The following NRXN3 variants were observed in gnomAD, a reference collection of about 807,000 sequenced individuals.
NRXN3 encodes neurexin 3, also known as neurexin III.
In NRXN3, 32 loss-of-function variants were observed where a neutral mutation model predicts 137.6. That is an observed-to-expected ratio of 0.23 (90% CI 0.18 to 0.31). NRXN3 has a LOEUF of 0.31. Among genes scored for constraint, NRXN3 ranks in the 10% least tolerant of loss-of-function variants. The pLI is 1.00. For synonymous variants in NRXN3, 798 were observed against 784.5 expected, an observed-to-expected ratio of 1.02 and a Z score of -0.29; for missense variants, 1,574 against 2,062.5, an observed-to-expected ratio of 0.76 and a Z score of 4.59.
chr14:79,734,298 G>T (rs988917776), intron 19 of NRXN3, among the ~76,000 whole-genome samples: 5 of 152,088 alleles, frequency 3.3e-5, no homozygotes, highest in Non-Finnish European at 5.9e-5. Context: ...TTAAATGTAG[G>T]GACCAAGACA....
rs539306697 is a variant in NRXN3, at chr14:79,490,684, T to C, written c.3444+23282T>C. Among the ~76,000 whole-genome samples the C allele has an allele frequency of 1.2e-4, 18 of 148,736 alleles. No individual in the cohort carries two copies. The South Asian group carries it at 2.2e-3, about 18-fold the overall frequency. ...CAGAGGCTGGGAAGGGAAGTGGGGG[T>C]TGGGGGAGGTGGGGGTGGTTAATGA... On this transcript the variant is annotated intron_variant, in intron 16 of 20. Transcript: ENST00000335750.
intron 6 of NRXN3, among the ~76,000 whole-genome samples, chr14:78,681,780 A>G (rs1005243892): frequency 1.3e-5 from 2 of 152,082 alleles, no homozygotes; most frequent in Non-Finnish European, 2.9e-5. Flanking sequence ...AGTGAAGGAG[A>G]TGAGAAGCCA....
In NRXN3 at chr14:79,207,495, G is replaced by A. The variant is rs757351235; in HGVS notation, c.3262+219354G>A. ...TGAGGATTTCATATTAACAACTGGT[G>A]CAAGGAAAGGGAATTTGCAGCAGAG... On this transcript the variant is annotated intron_variant, in intron 15 of 20. Coordinates refer to ENST00000335750, the MANE Select transcript of NRXN3 (RefSeq NM_001330195.2). Among the ~76,000 whole-genome samples the A allele has an allele frequency of 1.1e-3, 174 of 152,292 alleles. 2 individuals carry two copies. Among genetic ancestry groups the A allele is most frequent in the Non-Finnish European group, 1.6e-3 (112 of 68,020 alleles).
chr14:79,743,736 G>T (rs1277666139), intron 19 of NRXN3, among the ~76,000 whole-genome samples: 1 of 152,104 alleles, frequency 6.6e-6, no homozygotes, highest in Non-Finnish European at 1.5e-5. Context: ...AGCAACTGGA[G>T]ATTTAGTTAC....
intron 15 of NRXN3, among the ~76,000 whole-genome samples, chr14:79,424,747 G>T (rs1167997624): frequency 1.3e-5 from 2 of 152,026 alleles, no homozygotes; most frequent in Non-Finnish European, 2.9e-5. Flanking sequence ...TTTACAAAGG[G>T]GTATGTAAAA....
intron 15 of NRXN3, among the ~76,000 whole-genome samples, chr14:79,270,891 A>G (rs2079190560): frequency 6.6e-6 from 1 of 152,174 alleles, no homozygotes; most frequent in East Asian, 1.9e-4. Context: ...TAAATTCTCA[A>G]TACTACTGAG....
At position 79,424,265 on chromosome 14, in the gene NRXN3, T is replaced by C. The variant is rs146810836; in HGVS notation, c.3263-42956T>C. On this transcript the variant is annotated intron_variant, in intron 15 of 20. Transcript: ENST00000335750. ...AATATTCATTAAAACAAATATTAATTCCTCAAAGTTTAATTCTTAACAAAT... is the reference window on the plus strand; with the variant it reads ...AATATTCATTAAAACAAATATTAATCCCTCAAAGTTTAATTCTTAACAAAT... 7.6e-4 allele frequency among the ~76,000 whole-genome samples: 115 copies of C among 152,286 alleles called. 3 individuals are homozygous for C. In the East Asian group the frequency reaches 0.02, roughly 27 times the overall value.
chr14:78,418,200 T>C lies in NRXN3; in HGVS notation c.757+120340T>C, dbSNP rs547771542. 1.1e-4 allele frequency among the ~76,000 whole-genome samples: 17 copies of C among 152,278 alleles called. No individual in the cohort carries two copies. In the South Asian group the frequency reaches 2.7e-3, roughly 24 times the overall value. ...CTGGGGAATGTTTTACTAGTTAGCATTACGTGAGAAATTAAGCAAGTCTTA... is the reference window on the plus strand; with the variant it reads ...CTGGGGAATGTTTTACTAGTTAGCACTACGTGAGAAATTAAGCAAGTCTTA... On this transcript the variant is annotated intron_variant, in intron 4 of 20. Transcript: ENST00000335750.
At chr14:78,497,336 C>T (rs1007693016) in intron 4 of NRXN3, among the ~76,000 whole-genome samples, 1 of 152,106 alleles carries the variant, frequency 6.6e-6, no homozygotes, top group Non-Finnish European at 1.5e-5. Flanking sequence ...TCTGAGGCCT[C>T]ATTACCCTTT....
intron 11 of NRXN3, among the ~76,000 whole-genome samples, chr14:78,958,546 G>A (rs1351519787): frequency 6.6e-6 from 1 of 151,898 alleles, no homozygotes; most frequent in East Asian, 1.9e-4. Context: ...TAGTAGAGAT[G>A]GCGTTTCACC....
chr14:78,645,435 G>C lies in NRXN3; in HGVS notation c.1059+14G>C. 1.3e-6 allele frequency: 2 copies of C among 1,557,182 alleles called. No individual in the cohort carries two copies. Among genetic ancestry groups the C allele is most frequent in the Non-Finnish European group, 1.7e-6 (2 of 1,156,516 alleles). On this transcript the variant is annotated intron_variant, in intron 5 of 20. Transcript: ENST00000335750. ...AACCTCCGGCAGGTAATGGCTGAGGGGAGAGAATTCCTGGAAGGCTCATCT... is the reference window on the plus strand; with the variant it reads ...AACCTCCGGCAGGTAATGGCTGAGGCGAGAGAATTCCTGGAAGGCTCATCT...
intron 16 of NRXN3, among the ~76,000 whole-genome samples, chr14:79,533,794 G>A (rs964945464): frequency 6.6e-6 from 1 of 152,028 alleles, no homozygotes; most frequent in African/African-American, 2.4e-5. Flanking sequence ...TGAATAGTAA[G>A]GACTGCACAT....
At chr14:79,359,760 G>A (rs1340582663) in intron 15 of NRXN3, among the ~76,000 whole-genome samples, 2 of 151,758 alleles carry the variant, frequency 1.3e-5, no homozygotes, top group African/African-American at 2.4e-5. Context: ...TAGTAGACAT[G>A]GGGTTTCACC....
chr14:79,152,336 AC>A (rs1196758093), intron 15 of NRXN3, among the ~76,000 whole-genome samples: 1 of 152,056 alleles, frequency 6.6e-6, no homozygotes, highest in Non-Finnish European at 1.5e-5. Context: ...TAATTTGATA[AC>A]TAAATGAAAA....
intron 20 of NRXN3, 97 bp downstream of exon 20, chr14:79,805,287 T>A (rs2099199798): frequency 4.0e-6 from 3 of 755,220 alleles, no homozygotes; most frequent in Non-Finnish European, 6.7e-6. Flanking sequence ...TATATATAGA[T>A]TATAGTGTGT....
intron 16 of NRXN3, among the ~76,000 whole-genome samples, chr14:79,499,721 C>T (rs559513077): frequency 9.2e-5 from 14 of 152,154 alleles, no homozygotes; most frequent in South Asian, 4.1e-4. Context: ...AGATGATAAC[C>T]GGTGCAATTT....
At chr14:78,764,619 T>G (rs2098702831) in intron 8 of NRXN3, among the ~76,000 whole-genome samples, 1 of 152,204 alleles carries the variant, frequency 6.6e-6, no homozygotes, top group South Asian at 2.1e-4. Context: ...ACAAAAATGT[T>G]AAGAATTCTT....
chr14:79,097,062 T>C (rs2050486766), intron 15 of NRXN3, among the ~76,000 whole-genome samples: 1 of 151,154 alleles, frequency 6.6e-6, no homozygotes, highest in Non-Finnish European at 1.5e-5. Flanking sequence ...ATTTCTTCAA[T>C]ATAGACTCAT....
chr14:79,699,350 T>A (rs2098746413), intron 19 of NRXN3, among the ~76,000 whole-genome samples: 1 of 152,058 alleles, frequency 6.6e-6, no homozygotes, highest in Non-Finnish European at 1.5e-5. Context: ...TAGTTCTGTC[T>A]GCACAGGTCT....
Sources: gnomAD v4.1 joint callset for allele counts (sites outside exome capture counted in the v4.1 genomes callset) on GRCh38, gnomAD v4.1.1 for gene constraint, MANE v1.5 for transcripts, NCBI Gene and HGNC (gene_info 2026-07-23, HGNC 2026-07-21) for gene names.